CORO2B: variants seen among roughly 807,000 people sequenced by gnomAD.
CORO2B encodes coronin-2B.
Under a neutral mutation model 58.8 loss-of-function variants are expected in CORO2B, and 26 were observed. That is an observed-to-expected ratio of 0.44 (90% CI 0.32 to 0.61). The LOEUF (loss-of-function observed/expected upper bound fraction) is 0.61. CORO2B is among the 20% of genes least tolerant of loss of function. The pLI, the probability that CORO2B is intolerant of heterozygous loss-of-function variation, is 0.04. For synonymous variants in CORO2B, 242 were observed against 253.8 expected (o/e 0.95, Z 0.44); for missense variants, 460 against 645.1 (o/e 0.71, Z 3.11).
the CORO2B span, among the ~76,000 whole-genome samples, chr15:68,529,370 AC>A: frequency 6.6e-6 from 1 of 152,260 alleles, no homozygotes; most frequent in African/African-American, 2.4e-5. Context: ...AATAGGTAAC[AC>A]AAACAACTCT....
rs1893002759 is a variant in CORO2B at position 68,715,143 on chromosome 15, G to T, written c.871-72G>T. The T allele has an allele frequency of 9.7e-6, 13 of 1,338,484 alleles. No homozygotes were observed. In the South Asian group the frequency reaches 1.5e-4, roughly 16 times the overall value. 82.9% of individuals were successfully genotyped at this position (1,338,484 alleles called of 1,614,324 possible). A position where few individuals can be genotyped will look rare whatever the true frequency, so the allele number is the denominator to read the frequency against. On this transcript the variant is annotated intron_variant, in intron 7 of 11. Coordinates refer to ENST00000261861, the MANE Select transcript of CORO2B (RefSeq NM_006091.5). ...CACAGGGGAGAGCTGTCTTCAGCTG[G>T]CTCCTGGGACCAGGCCCTGCTCTGC...
At chr15:68,715,337 C>T in intron 8 of CORO2B, 26 bp downstream of exon 8, 1 of 1,529,826 alleles carries the variant, frequency 6.5e-7, no homozygotes, top group South Asian at 1.1e-5. Context: ...GCTGCCACAG[C>T]TGGTGTGCTC....
intron 1 of CORO2B, among the ~76,000 whole-genome samples, chr15:68,580,174 G>A (rs1899390977): frequency 6.6e-6 from 1 of 152,240 alleles, no homozygotes; most frequent in African/African-American, 2.4e-5. Context: ...GTGACAGGCT[G>A]TTAAAGAACC....
At chr15:68,678,551 G>T (rs1902663301) in intron 2 of CORO2B, among the ~76,000 whole-genome samples, 1 of 152,160 alleles carries the variant, frequency 6.6e-6, no homozygotes. Flanking sequence ...GTGGGTGCCT[G>T]TTATCCCAGC....
In CORO2B at chr15:68,710,873, G is replaced by C. The variant is rs1230243277; in HGVS notation, c.475G>C (p.Asp159His). Residue 159 changes from aspartate to histidine, a missense_variant, in exon 4 of 12, where the codon GAC (aspartate) becomes CAC (histidine). By Grantham distance (81) the Asp-to-His change is moderately conservative. Coordinates refer to ENST00000261861, the MANE Select transcript of CORO2B (RefSeq NM_006091.5). The surrounding 1 kb of genome is among the most constrained non-coding windows in gnomAD (Gnocchi z 4.1). ...CAACATCCTGTTCAGCGCTGGCTAC[G>C]ACTACAAGGTATGCAGTGGGCAGGC... ...TNNILFSAGY[D>H]YKVLIWNLDV... 1.2e-6 allele frequency: 2 copies of C among 1,604,654 alleles called. No homozygotes were observed. Among genetic ancestry groups the C allele is most frequent in the Non-Finnish European group, 1.7e-6 (2 of 1,175,146 alleles).
intron 1 of CORO2B, among the ~76,000 whole-genome samples, chr15:68,583,285 C>T (rs543708777): frequency 1.8e-4 from 27 of 152,268 alleles, no homozygotes; most frequent in African/African-American, 6.0e-4. Context: ...AATTTTGGAG[C>T]GGGCAAATCA....
At chr15:68,556,117 G>C in the CORO2B span, among the ~76,000 whole-genome samples, 2 of 152,248 alleles carry the variant, frequency 1.3e-5, no homozygotes, top group Non-Finnish European at 2.9e-5. Context: ...GAGCGGGCCA[G>C]GCAAAGAAAG....
chr15:68,538,730 G>A, the CORO2B span, among the ~76,000 whole-genome samples: 1 of 150,654 alleles, frequency 6.6e-6, no homozygotes, highest in Admixed American at 6.7e-5. Flanking sequence ...AAAAAACCCA[G>A]CTTTACTGTC....
chr15:68,695,148 G>T lies in CORO2B; in HGVS notation c.225G>T (p.Arg75Ser). The part of the protein sequence containing the change: ...FLVIPLEQTG[R>S]IEPNYPKVCG... ...CTCTTTCTCCTCTGCAGACAGGCAG[G>T]ATTGAACCCAACTACCCCAAGGTCT... is the stretch of plus-strand genomic sequence containing the variant. Residue 75 changes from arginine to serine, a missense_variant, in exon 3 of 12, where the codon AGG becomes AGT. Around this residue, in one of 2 missense-constraint regions of CORO2B, gnomAD observed 352 missense variants for 543.0 expected, o/e 0.65. Transcript: ENST00000261861. The T allele has an allele frequency of 6.2e-7, 1 of 1,613,500 alleles. No individual in the cohort carries two copies. The highest frequency in any genetic ancestry group is 1.3e-5 in the African/African-American group (1 of 75,008).
chr15:68,686,818 G>A (rs1044541898), intron 2 of CORO2B, among the ~76,000 whole-genome samples: 3 of 151,426 alleles, frequency 2.0e-5, no homozygotes, highest in Non-Finnish European at 2.9e-5. Context: ...AGAATCGCTT[G>A]AACCCAGGCG....
rs569097032 is a variant in CORO2B at position 68,652,918 on chromosome 15, A to C, written c.216+7558A>C. On this transcript the variant is annotated intron_variant, in intron 2 of 11. Transcript: ENST00000261861. ...TTCTATAAATGTGCCTTGTATTACT[A>C]TTACTGCCATTTGGATGTCTTAGAG... 1.5e-4 allele frequency among the ~76,000 whole-genome samples: 23 copies of C among 152,278 alleles called. No homozygotes were observed. In the South Asian group the frequency reaches 4.6e-3, roughly 30 times the overall value.
chr15:68,711,909 A>G lies in CORO2B; in HGVS notation c.648+203A>G, dbSNP rs1596033430. Among the ~76,000 whole-genome samples, 2 of 151,746 alleles carry G rather than the reference A, an allele frequency of 1.3e-5. 1 individual carries two copies. The highest frequency in any genetic ancestry group is 6.8e-3 in the Middle Eastern group (2 of 292). On this transcript the variant is annotated intron_variant, in intron 5 of 11. Coordinates refer to ENST00000261861, the MANE Select transcript of CORO2B (RefSeq NM_006091.5). ...TGTTCTGGGTGGGGAGGGACCTCAT[A>G]CCCTTTCCTGTCCCCACTGCACCCC...
intron 1 of CORO2B, among the ~76,000 whole-genome samples, chr15:68,643,018 C>T (rs557727957): frequency 4.6e-5 from 7 of 152,294 alleles, no homozygotes; most frequent in African/African-American, 1.7e-4. Context: ...ACCACCCATA[C>T]TGTATTTTTC....
chr15:68,723,361 A>G (rs867883020), intron 11 of CORO2B, among the ~76,000 whole-genome samples: 2 of 151,392 alleles, frequency 1.3e-5, no homozygotes, highest in Non-Finnish European at 1.5e-5. Context: ...ACCTCAGGTG[A>G]TCCACCTGCC....
intron 4 of CORO2B, among the ~76,000 whole-genome samples, chr15:68,711,196 A>C (rs1156531921): frequency 6.6e-6 from 1 of 152,040 alleles, no homozygotes; most frequent in African/African-American, 2.4e-5. Context: ...GGGTAACCAA[A>C]GCTGCTGGAG....
the CORO2B span, among the ~76,000 whole-genome samples, chr15:68,563,860 A>G: frequency 2.6e-5 from 4 of 152,240 alleles, no homozygotes. Context: ...AAAGAGATTC[A>G]GTAAATAATC....
chr15:68,652,594 A>G (rs1360264679), intron 2 of CORO2B, among the ~76,000 whole-genome samples: 1 of 152,218 alleles, frequency 6.6e-6, no homozygotes, highest in Non-Finnish European at 1.5e-5. Context: ...AGCCATTCTC[A>G]GTCCCAGCTG....
intron 2 of CORO2B, among the ~76,000 whole-genome samples, chr15:68,692,404 G>A (rs1267972058): frequency 6.6e-6 from 1 of 151,886 alleles, no homozygotes; most frequent in African/African-American, 2.4e-5. Flanking sequence ...AGCCAACACA[G>A]GGAAACCCCA....
Position 68,726,014 on chromosome 15 carries a change from G to T in CORO2B, c.*40G>T, listed in dbSNP as rs527405857. 3 of 1,607,400 alleles carry T rather than the reference G, an allele frequency of 1.9e-6. No individual in the cohort carries two copies. Among genetic ancestry groups the T allele is most frequent in the Non-Finnish European group, 2.5e-6 (3 of 1,179,572 alleles). ...TGTTTTCTAAGCCGATCTCTCCGTC[G>T]TTTCTACTCATCCCTTAACTTCTCC... On this transcript the variant is annotated 3_prime_UTR_variant, in exon 12 of 12. Transcript: ENST00000261861.
Sources: gnomAD v4.1 joint callset for allele counts (sites outside exome capture counted in the v4.1 genomes callset) on GRCh38, gnomAD v4.1.1 for gene constraint, gnomAD v4.1.1 regional missense constraint, Gnocchi (gnomAD v3.1) non-coding constraint, MANE v1.5 for transcripts, NCBI Gene and HGNC (gene_info 2026-07-23, HGNC 2026-07-21) for gene names.